MRPL1: variants seen among roughly 807,000 people sequenced by gnomAD.
The protein encoded by MRPL1 is mitochondrial ribosomal protein L1.
In MRPL1, 28 loss-of-function variants were observed where a neutral mutation model predicts 38.0. The observed-to-expected ratio is 0.74, with a 90% CI of 0.55 to 1.01. The LOEUF (loss-of-function observed/expected upper bound fraction) is 1.01. Among genes scored for constraint, MRPL1 ranks in the 50% least tolerant of loss-of-function variants. MRPL1 has a pLI of 0.00. For synonymous variants in MRPL1, 123 were observed against 126.7 expected (o/e 0.97, Z 0.20); for missense variants, 358 against 389.8 (o/e 0.92, Z 0.69).
At chr4:77,879,611 C>T (rs1735490429) in intron 2 of MRPL1, among the ~76,000 whole-genome samples, 1 of 152,140 alleles carries the variant, frequency 6.6e-6, no homozygotes, top group Middle Eastern at 3.2e-3. Flanking sequence ...TAAAGTAAGC[C>T]TGGAGGCTAC....
At chr4:77,945,182 T>C (rs910672692) in intron 7 of MRPL1, among the ~76,000 whole-genome samples, 1 of 149,864 alleles carries the variant, frequency 6.7e-6, no homozygotes, top group South Asian at 2.1e-4. Flanking sequence ...CTACTACTAC[T>C]ACTTTATGTT....
intron 6 of MRPL1, among the ~76,000 whole-genome samples, chr4:77,898,264 T>G (rs112679009): frequency 1.1e-3 from 173 of 151,642 alleles, no homozygotes; most frequent in Middle Eastern, 3.4e-3. Flanking sequence ...CATCTTTTTT[T>G]TGTGTGTGTG....
intron 6 of MRPL1, chr4:77,907,080 A>T: frequency 1.0e-6 from 1 of 985,394 alleles, no homozygotes; most frequent in Non-Finnish European, 1.2e-6. Flanking sequence ...TGAGTTCCTC[A>T]CATTGATTCA....
At chr4:77,927,788 A>ATTTTTTTTTTTTACATAATT (rs1560472259) in intron 7 of MRPL1, among the ~76,000 whole-genome samples, 8 of 152,164 alleles carry the variant, frequency 5.3e-5, no homozygotes, top group African/African-American at 1.7e-4. Flanking sequence ...GAAAAAAACT[A>ATTTTTTTTTTTTACATAATT]TAGCCATATT....
chr4:77,923,890 A>G (rs1033732094), intron 7 of MRPL1, among the ~76,000 whole-genome samples: 2 of 151,816 alleles, frequency 1.3e-5, no homozygotes, highest in African/African-American at 4.8e-5. Context: ...AATCGGTTGA[A>G]CCTCAGGGGC....
At chr4:77,945,108 A>T (rs1424829155) in intron 7 of MRPL1, among the ~76,000 whole-genome samples, 1 of 150,416 alleles carries the variant, frequency 6.6e-6, no homozygotes, top group Non-Finnish European at 1.5e-5. Context: ...TAAGTACCCA[A>T]TAAACAGAGC....
At chr4:77,871,683 T>G in intron 1 of MRPL1, 61 bp from the exon 2 acceptor site, 1 of 777,944 alleles carries the variant, frequency 1.3e-6, no homozygotes, top group Non-Finnish European at 2.0e-6. Flanking sequence ...CTTTTAAAAT[T>G]AAAAAATTAT....
At chr4:77,892,224 C>T (rs772044197) in intron 5 of MRPL1, among the ~76,000 whole-genome samples, 21 of 151,876 alleles carry the variant, frequency 1.4e-4, no homozygotes, top group Middle Eastern at 3.4e-3. Context: ...CTCCACCTCC[C>T]GGGTTCAAGC....
At chr4:77,896,507 A>C (rs985151872) in intron 6 of MRPL1, among the ~76,000 whole-genome samples, 18 of 152,220 alleles carry the variant, frequency 1.2e-4, no homozygotes, top group Non-Finnish European at 5.9e-5. Context: ...CAAAAATGTT[A>C]AATGGAATAC....
chr4:77,900,119 A>C (rs192642642), intron 6 of MRPL1, among the ~76,000 whole-genome samples: 1 of 152,334 alleles, frequency 6.6e-6, no homozygotes, highest in African/African-American at 2.4e-5. Flanking sequence ...GTGGGCCACT[A>C]TGATTATCAT....
chr4:77,882,636 C>T (rs867892377), intron 2 of MRPL1, among the ~76,000 whole-genome samples: 8 of 152,110 alleles, frequency 5.3e-5, no homozygotes, highest in African/African-American at 1.2e-4. Flanking sequence ...AGGGTTCATG[C>T]GTGTTGTAGC....
At chr4:77,891,981 G>A (rs1039084246) in intron 5 of MRPL1, among the ~76,000 whole-genome samples, 6 of 152,126 alleles carry the variant, frequency 3.9e-5, no homozygotes, top group Admixed American at 3.3e-4. Context: ...TTTTTAGAAG[G>A]TATTCAGGTT....
intron 2 of MRPL1, among the ~76,000 whole-genome samples, chr4:77,879,335 G>A (rs1735474389): frequency 6.6e-6 from 1 of 152,054 alleles, no homozygotes; most frequent in Admixed American, 6.6e-5. Flanking sequence ...TATTTGATCA[G>A]TATTATAATG....
At chr4:77,947,826 A>G (rs1737306548) in intron 7 of MRPL1, among the ~76,000 whole-genome samples, 1 of 152,234 alleles carries the variant, frequency 6.6e-6, no homozygotes, top group Non-Finnish European at 1.5e-5. Flanking sequence ...AATAAAAAGT[A>G]TTATAGCTGT....
intron 5 of MRPL1, among the ~76,000 whole-genome samples, chr4:77,892,047 C>G (rs1735817167): frequency 6.6e-6 from 1 of 151,884 alleles, no homozygotes; most frequent in Non-Finnish European, 1.5e-5. Context: ...ATTTTTTATA[C>G]ATTCCTGTGT....
rs147332640 is a variant in MRPL1 at position 77,911,341 on chromosome 4, A to G, written c.777+1969A>G. ...AGAATATAAGAAACCATGACATCGC[A>G]TTCATTTCTTTCAACAAATACCATA... On this transcript the variant is annotated intron_variant, in intron 7 of 8. Transcript: ENST00000315567. Among the ~76,000 whole-genome samples, 169 of 152,262 alleles carry G rather than the reference A, an allele frequency of 1.1e-3. 1 individual carries two copies. Among genetic ancestry groups the G allele is most frequent in the African/African-American group, 4.0e-3 (168 of 41,558 alleles).
At chr4:77,884,907 T>C (rs1735638238) in intron 3 of MRPL1, among the ~76,000 whole-genome samples, 1 of 152,220 alleles carries the variant, frequency 6.6e-6, no homozygotes, top group African/African-American at 2.4e-5. Flanking sequence ...AAGATGTTGA[T>C]ATGCAAACAC....
chr4:77,914,451 T>C (rs1307287552), intron 7 of MRPL1, among the ~76,000 whole-genome samples: 2 of 152,142 alleles, frequency 1.3e-5, no homozygotes, highest in Admixed American at 1.3e-4. Flanking sequence ...TGGTAAATAA[T>C]ATATGCAAAG....
Position 77,896,963 on chromosome 4 carries a change from AATTCTTTC to A in MRPL1, c.670+2716_670+2723del, listed in dbSNP as rs201963250. Reference sequence around the variant, plus strand: ...CCTCCCCAATATAAGTACCCTCTGTAATTCTTTCATCTCTAATATAGATATGTTTTGTT... The same window carrying A: ...CCTCCCCAATATAAGTACCCTCTGTAATCTCTAATATAGATATGTTTTGTT... On this transcript the variant is annotated intron_variant, in intron 6 of 8. Coordinates refer to ENST00000315567, the MANE Select transcript of MRPL1 (RefSeq NM_020236.4). 5.9e-3 allele frequency among the ~76,000 whole-genome samples: 896 copies of A among 152,174 alleles called. 5 individuals are homozygous for A. Among genetic ancestry groups the A allele is most frequent in the Non-Finnish European group, 9.4e-3 (636 of 68,008 alleles).
Sources: allele counts gnomAD v4.1 joint callset (sites outside exome capture counted in the v4.1 genomes callset), GRCh38; gene constraint gnomAD v4.1.1; transcripts MANE v1.5; gene names NCBI Gene and HGNC (gene_info 2026-07-23, HGNC 2026-07-21).